MAPKAPK2: variants seen among roughly 807,000 people sequenced by gnomAD.
MAPKAPK2 encodes the protein MAPK activated protein kinase 2.
Under a neutral mutation model 48.8 loss-of-function variants are expected in MAPKAPK2, and 9 were observed. The ratio of observed to expected loss-of-function variants is 0.18; its 90% confidence interval spans 0.11 to 0.32. The LOEUF is 0.32. Among genes scored for constraint, MAPKAPK2 ranks in the 10% least tolerant of loss-of-function variants. The pLI is 1.00. For synonymous variants in MAPKAPK2, 202 were observed against 190.6 expected (o/e 1.06, Z -0.49); for missense variants, 331 against 498.3 (o/e 0.66, Z 3.20).
In MAPKAPK2 at chr1:206,691,482, GATATAT is replaced by G. The variant is rs56752335; in HGVS notation, c.279+5992_279+5997del. The stretch of plus-strand genomic sequence containing the variant: ...AAAATACTGGTATTTTGTATTTTAA[GATATAT>G]ATATATATATATATATACACACATA... On this transcript the variant is annotated intron_variant, in intron 1 of 9. Transcript: ENST00000367103. Among the ~76,000 whole-genome samples, 26 of 77,298 alleles carry G rather than the reference GATATAT, an allele frequency of 3.4e-4. 1 individual carries two copies. Among genetic ancestry groups the G allele is most frequent in the South Asian group, 1.0e-3 (2 of 1,950 alleles). 50.7% of individuals were successfully genotyped at this position (77,298 alleles called of 152,430 possible). A position where few individuals can be genotyped will look rare whatever the true frequency, so the allele number is the denominator to read the frequency against.
intron 1 of MAPKAPK2, among the ~76,000 whole-genome samples, chr1:206,700,865 G>T (rs1672772973): frequency 6.6e-6 from 1 of 152,190 alleles, no homozygotes; most frequent in Admixed American, 6.5e-5. Flanking sequence ...AGGGCTGCTT[G>T]CTCTGGGGAA....
intron 1 of MAPKAPK2, among the ~76,000 whole-genome samples, chr1:206,690,441 C>A (rs147647707): frequency 6.6e-6 from 1 of 152,222 alleles, no homozygotes; most frequent in Non-Finnish European, 1.5e-5. Flanking sequence ...AGGGGAGAGA[C>A]AAGCAGTCCC....
chr1:206,711,775 A>G (rs1313529221), intron 1 of MAPKAPK2, among the ~76,000 whole-genome samples: 1 of 151,524 alleles, frequency 6.6e-6, no homozygotes, highest in Non-Finnish European at 1.5e-5. Flanking sequence ...GTGCCACCAC[A>G]CCCAGCTAGT....
chr1:206,729,832 C>G (rs1294999140), intron 4 of MAPKAPK2, 140 bp from the exon 5 acceptor site: 11 of 1,039,726 alleles, frequency 1.1e-5, no homozygotes, highest in Admixed American at 7.0e-5. Flanking sequence ...AGAGCTGCCA[C>G]TCCTCGTGGT....
intron 6 of MAPKAPK2, 99 bp downstream of exon 6, chr1:206,730,862 G>A: frequency 1.6e-6 from 2 of 1,283,122 alleles, no homozygotes; most frequent in Non-Finnish European, 2.3e-6. Context: ...ATTCCCCTTT[G>A]TACAGGGGAG....
Position 206,734,218 on chromosome 1 carries a change from T to C in MAPKAPK2, c.*1500T>C, listed in dbSNP as rs1674043613. ...TTGTCTCAGATGGTGTGTCCAGCAC[T>C]CGATTGTTGTAAACTGTTGTTTTGT... On this transcript the variant is annotated 3_prime_UTR_variant, in exon 10 of 10. Transcript: ENST00000367103. The C allele has an allele frequency of 6.5e-6, 1 of 152,818 alleles. No homozygotes were observed. Among genetic ancestry groups the C allele is most frequent in the African/African-American group, 2.4e-5 (1 of 41,456 alleles). 9.5% of individuals were successfully genotyped at this position (152,818 alleles called of 1,614,324 possible).
rs551053852 is a variant in MAPKAPK2 at position 206,693,725 on chromosome 1, A to G, written c.279+8217A>G. On this transcript the variant is annotated intron_variant, in intron 1 of 9. Coordinates refer to ENST00000367103, the MANE Select transcript of MAPKAPK2 (RefSeq NM_032960.4). ...AGGCCTTCAACCCGACTGCCCTGTCACCGAGCATGCTACCTACCGTGTACT... is the reference window on the plus strand; with the variant it reads ...AGGCCTTCAACCCGACTGCCCTGTCGCCGAGCATGCTACCTACCGTGTACT... Among the ~76,000 whole-genome samples the G allele has an allele frequency of 2.0e-5, 3 of 152,300 alleles. No individual in the cohort carries two copies. In the South Asian group the frequency reaches 6.2e-4, roughly 32 times the overall value.
At chr1:206,701,399 G>A (rs1319150062) in intron 1 of MAPKAPK2, among the ~76,000 whole-genome samples, 4 of 152,204 alleles carry the variant, frequency 2.6e-5, no homozygotes, top group Admixed American at 2.0e-4. Context: ...CTTAGACAAT[G>A]CAAGATTCTG....
Position 206,731,743 on chromosome 1 carries a change from G to C in MAPKAPK2, c.978+18G>C. ...GGATCATGGTAAGCTCGGCAGGCTG[G>C]GGAGCCTTGGGTCTCACGGGACTAT... On this transcript the variant is annotated intron_variant, in intron 8 of 9. Coordinates refer to ENST00000367103, the MANE Select transcript of MAPKAPK2 (RefSeq NM_032960.4). This position sits in a 1 kb window ranked among gnomAD's most constrained non-coding sequence, Gnocchi z 5.9. 1.2e-6 allele frequency: 2 copies of C among 1,613,166 alleles called. No homozygotes were observed. Among genetic ancestry groups the C allele is most frequent in the Non-Finnish European group, 1.7e-6 (2 of 1,179,206 alleles).
chr1:206,700,784 TCC>T (rs1558576486), intron 1 of MAPKAPK2, among the ~76,000 whole-genome samples: 1 of 152,198 alleles, frequency 6.6e-6, no homozygotes, highest in Non-Finnish European at 1.5e-5. Context: ...AGCCAAAAGT[TCC>T]AGTACAAACC....
At chr1:206,724,083 A>G (rs1553431611) in intron 1 of MAPKAPK2, among the ~76,000 whole-genome samples, 2 of 152,220 alleles carry the variant, frequency 1.3e-5, no homozygotes, top group East Asian at 3.8e-4. Flanking sequence ...CTAATGATCT[A>G]TGGCTTTTTA....
intron 1 of MAPKAPK2, among the ~76,000 whole-genome samples, chr1:206,702,727 C>A (rs868923939): frequency 5.3e-5 from 8 of 152,214 alleles, no homozygotes; most frequent in Non-Finnish European, 5.9e-5. Context: ...CTGAACGTGG[C>A]ATTCAAGCAA....
chr1:206,723,294 A>G (rs1673597958), intron 1 of MAPKAPK2, among the ~76,000 whole-genome samples: 1 of 152,194 alleles, frequency 6.6e-6, no homozygotes, highest in African/African-American at 2.4e-5. Context: ...TGGGACTCCA[A>G]CACATGGGGA....
chr1:206,730,195 T>A, intron 5 of MAPKAPK2, 97 bp downstream of exon 5: 1 of 1,435,608 alleles, frequency 7.0e-7, no homozygotes, highest in South Asian at 1.3e-5. Flanking sequence ...CTAGGAGAGT[T>A]GTGTCTGTAT....
At chr1:206,707,956 C>G (rs1673017340) in intron 1 of MAPKAPK2, among the ~76,000 whole-genome samples, 2 of 152,166 alleles carry the variant, frequency 1.3e-5, no homozygotes, top group Non-Finnish European at 2.9e-5. Flanking sequence ...ATGGTTTCCA[C>G]AAATGCTGTG....
At chr1:206,694,848 G>A (rs933840862) in intron 1 of MAPKAPK2, among the ~76,000 whole-genome samples, 4 of 152,230 alleles carry the variant, frequency 2.6e-5, no homozygotes, top group Admixed American at 1.3e-4. Context: ...CATCCTTACA[G>A]GCACCCAGAT....
At chr1:206,728,616 G>A in intron 1 of MAPKAPK2, 94 bp from the exon 2 acceptor site, 1 of 1,455,128 alleles carries the variant, frequency 6.9e-7, no homozygotes, top group South Asian at 1.3e-5. Flanking sequence ...GGGGGTTTGT[G>A]GTATGTCGGT....
chr1:206,714,375 TAGCTTGTGATGGTTC>T (rs1208958979), intron 1 of MAPKAPK2, among the ~76,000 whole-genome samples: 1 of 151,924 alleles, frequency 6.6e-6, no homozygotes, highest in Non-Finnish European at 1.5e-5. Context: ...CGACCCAGGG[TAGCTTGTGATGGTTC>T]AGATTATGAT....
intron 1 of MAPKAPK2, among the ~76,000 whole-genome samples, chr1:206,718,147 C>A (rs1673392689): frequency 6.6e-6 from 1 of 152,074 alleles, no homozygotes; most frequent in Non-Finnish European, 1.5e-5. Flanking sequence ...TATAATTAAC[C>A]ACTAATTAAC....
Sources: allele counts gnomAD v4.1 joint callset (sites outside exome capture counted in the v4.1 genomes callset), GRCh38; gene constraint gnomAD v4.1.1; non-coding constraint Gnocchi (gnomAD v3.1); transcripts MANE v1.5; gene names NCBI Gene and HGNC (gene_info 2026-07-23, HGNC 2026-07-21).